Variants in CDC73 observed in about 807,000 individuals in gnomAD.
CDC73 encodes the protein parafibromin.
A neutral mutation model predicts 83.7 loss-of-function variants in CDC73; 21 were observed. That is an observed-to-expected ratio of 0.25 (90% CI 0.18 to 0.36). The LOEUF is 0.36. Among genes scored for constraint, CDC73 ranks in the 10% least tolerant of loss-of-function variants. The pLI, the probability that CDC73 is intolerant of heterozygous loss-of-function variation, is 1.00. For synonymous variants in CDC73, 224 were observed against 212.9 expected (o/e 1.05, Z -0.45); for missense variants, 342 against 653.3 (o/e 0.52, Z 5.19).
chr1:193,128,727 A>G (rs1034822498), intron 2 of CDC73, among the ~76,000 whole-genome samples: 1 of 152,238 alleles, frequency 6.6e-6, no homozygotes, highest in Non-Finnish European at 1.5e-5. Flanking sequence ...AAGTGATTAA[A>G]TACAGTTTAT....
intron 15 of CDC73, among the ~76,000 whole-genome samples, chr1:193,240,465 A>G (rs147158001): frequency 4.4e-4 from 67 of 152,276 alleles, no homozygotes; most frequent in African/African-American, 1.3e-3. Context: ...CTACTAACTT[A>G]TATTTCCACC....
intron 10 of CDC73, among the ~76,000 whole-genome samples, chr1:193,164,791 A>C (rs188387336): frequency 1.4e-3 from 206 of 152,242 alleles, no homozygotes; most frequent in African/African-American, 3.6e-3. Flanking sequence ...ATTTCTTTAG[A>C]TGTATAGATT....
In CDC73 at chr1:193,189,063, C is replaced by T. The variant is rs529237521; in HGVS notation, c.973-14732C>T. On this transcript the variant is annotated intron_variant, in intron 10 of 16. Transcript: ENST00000367435. ...CTGCTTCCCAGGTTCAAGAGATTCT[C>T]GTGCTTCAGCCTGCCGAGTACCTGG... is the stretch of plus-strand genomic sequence containing the variant. Among the ~76,000 whole-genome samples, 19 of 151,698 alleles carry T rather than the reference C, an allele frequency of 1.3e-4. No homozygotes were observed. In the East Asian group the frequency reaches 2.1e-3, roughly 17 times the overall value.
intron 10 of CDC73, chr1:193,179,359 G>C (rs1474724897): frequency 6.6e-6 from 1 of 152,360 alleles, no homozygotes; most frequent in African/African-American, 2.4e-5. Flanking sequence ...GAATGAAACT[G>C]CACCTGCACT....
chr1:193,136,013 T>G (rs1455999378), intron 5 of CDC73, among the ~76,000 whole-genome samples: 1 of 151,964 alleles, frequency 6.6e-6, no homozygotes, highest in Non-Finnish European at 1.5e-5. Context: ...GGACTGCAGG[T>G]GCCTGCCACC....
chr1:193,187,101 A>T (rs1444989384), intron 10 of CDC73, among the ~76,000 whole-genome samples: 3 of 28,922 alleles, frequency 1.0e-4, no homozygotes, highest in African/African-American at 4.2e-4. Context: ...TGTAATTTAG[A>T]TCCCCCCCCC....
intron 13 of CDC73, among the ~76,000 whole-genome samples, chr1:193,222,594 C>G (rs1214290771): frequency 6.6e-6 from 1 of 152,106 alleles, no homozygotes; most frequent in African/African-American, 2.4e-5. Flanking sequence ...GAAATCTGTT[C>G]CGTGTGGTTA....
chr1:193,223,064 C>A (rs1175339524), intron 13 of CDC73, among the ~76,000 whole-genome samples: 1 of 151,980 alleles, frequency 6.6e-6, no homozygotes, highest in East Asian at 1.9e-4. Flanking sequence ...AAACCATTAT[C>A]TGTCTTTGTA....
intron 10 of CDC73, among the ~76,000 whole-genome samples, chr1:193,171,066 TG>T (rs1392795753): frequency 6.6e-6 from 1 of 152,192 alleles, no homozygotes; most frequent in Non-Finnish European, 1.5e-5. Context: ...AGGCACACAC[TG>T]GCAAGCAAAT....
intron 2 of CDC73, among the ~76,000 whole-genome samples, chr1:193,128,931 T>G (rs1250239464): frequency 2.0e-5 from 3 of 151,862 alleles, no homozygotes; most frequent in African/African-American, 7.3e-5. Context: ...TGTTTCAGAC[T>G]GGGTCTCGCC....
intron 10 of CDC73, among the ~76,000 whole-genome samples, chr1:193,203,513 A>G (rs1214508385): frequency 6.6e-6 from 1 of 152,222 alleles, no homozygotes; most frequent in Non-Finnish European, 1.5e-5. Flanking sequence ...CAAATCATTT[A>G]AAAATATTAC....
intron 15 of CDC73, among the ~76,000 whole-genome samples, chr1:193,245,988 G>A (rs1262537701): frequency 1.3e-5 from 2 of 151,836 alleles, no homozygotes; most frequent in Non-Finnish European, 2.9e-5. Context: ...GATTTTTTAT[G>A]CTTTGAAATT....
At chr1:193,193,350 G>C (rs79968151) in intron 10 of CDC73, among the ~76,000 whole-genome samples, 1,894 of 152,264 alleles carry the variant, frequency 0.012, 40 homozygotes, top group African/African-American at 0.042. Flanking sequence ...AAGATAGCAA[G>C]ATAATTGGAA....
At chr1:193,155,366 C>T (rs1183983637) in intron 10 of CDC73, among the ~76,000 whole-genome samples, 1 of 152,154 alleles carries the variant, frequency 6.6e-6, no homozygotes, top group Non-Finnish European at 1.5e-5. Context: ...CCATGAAATA[C>T]GTTTCACAGT....
intron 10 of CDC73, chr1:193,180,333 T>C (rs778047557): frequency 6.3e-7 from 1 of 1,592,556 alleles, no homozygotes; most frequent in South Asian, 1.1e-5. Context: ...CTGCCTTTTC[T>C]TTTGCTGCGT....
In CDC73 at chr1:193,152,324, G is replaced by A. The variant is rs969766968; in HGVS notation, c.908-56G>A. The A allele has an allele frequency of 3.7e-6, 4 of 1,072,966 alleles. No individual in the cohort carries two copies. In the African/African-American group the frequency reaches 4.7e-5, roughly 12 times the overall value. 66.5% of individuals were successfully genotyped at this position (1,072,966 alleles called of 1,614,324 possible). ...AGATTATTACTTTAGATTTGTTATAGGTCATAAGATACATGATCTATAAAA... is the reference window on the plus strand; with the variant it reads ...AGATTATTACTTTAGATTTGTTATAAGTCATAAGATACATGATCTATAAAA... On this transcript the variant is annotated intron_variant, in intron 9 of 16. Coordinates refer to ENST00000367435, the MANE Select transcript of CDC73 (RefSeq NM_024529.5).
At chr1:193,161,420 A>ATAATC (rs1283205987) in intron 10 of CDC73, among the ~76,000 whole-genome samples, 1 of 150,522 alleles carries the variant, frequency 6.6e-6, no homozygotes, top group Non-Finnish European at 1.5e-5. Context: ...TAGAACTCAG[A>ATAATC]TAACTCACTG....
intron 3 of CDC73, among the ~76,000 whole-genome samples, chr1:193,130,446 G>C (rs545513057): frequency 4.4e-4 from 67 of 152,186 alleles, no homozygotes; most frequent in Non-Finnish European, 9.3e-4. Context: ...CTTGTGTGTG[G>C]ATTCCATCTC....
chr1:193,247,640 G>T (rs1169939877), intron 15 of CDC73, among the ~76,000 whole-genome samples: 1 of 152,096 alleles, frequency 6.6e-6, no homozygotes, highest in Non-Finnish European at 1.5e-5. Flanking sequence ...CTTCAGGGAA[G>T]TTAAAAGTGC....
Sources: gnomAD v4.1 joint callset for allele counts (sites outside exome capture counted in the v4.1 genomes callset) on GRCh38, gnomAD v4.1.1 for gene constraint, MANE v1.5 for transcripts, NCBI Gene and HGNC (gene_info 2026-07-23, HGNC 2026-07-21) for gene names.